Variants in MOBP observed in about 807,000 individuals in gnomAD.
MOBP encodes the protein myelin associated oligodendrocyte basic protein.
A neutral mutation model predicts 15.0 loss-of-function variants in MOBP; 5 were observed. The ratio of observed to expected loss-of-function variants is 0.33; its 90% CI spans 0.17 to 0.70. The LOEUF (loss-of-function observed/expected upper bound fraction) is 0.70. Among genes scored for constraint, MOBP ranks in the 30% least tolerant of loss-of-function variants. MOBP has a pLI of 0.67. For missense variants in MOBP, 188 were observed against 257.8 expected (o/e 0.73, Z 1.85); for synonymous variants, 88 against 99.0 (o/e 0.89, Z 0.66).
downstream of MOBP, chr3:39,524,892 C>T (rs920474447): frequency 9.2e-5 from 14 of 152,030 alleles, no homozygotes; most frequent in African/African-American, 3.4e-4. Flanking sequence ...GACATACACA[C>T]ATTAGATAGA....
intron 1 of MOBP, among the ~76,000 whole-genome samples, chr3:39,468,295 T>C (rs1287101185): frequency 1.3e-5 from 2 of 152,244 alleles, no homozygotes; most frequent in East Asian, 3.9e-4. Flanking sequence ...TGATACAGAA[T>C]ATCTTAGAAA....
intron 2 of MOBP, among the ~76,000 whole-genome samples, chr3:39,485,007 T>A (rs1335168186): frequency 6.6e-6 from 1 of 152,244 alleles, no homozygotes; most frequent in East Asian, 1.9e-4. Flanking sequence ...AAGGACTCTC[T>A]TATGTTTTCA....
At position 39,481,465 on chromosome 3, in the gene MOBP, T is replaced by A. The variant is rs147957042; in HGVS notation, c.-5+1342T>A. Among the ~76,000 whole-genome samples the A allele has an allele frequency of 2.5e-4, 38 of 152,312 alleles. No homozygotes were observed. In the East Asian group the frequency reaches 4.8e-3, roughly 19 times the overall value. On this transcript the variant is annotated intron_variant, in intron 2 of 3. Transcript: ENST00000684792. The stretch of plus-strand genomic sequence containing the variant: ...AGGTTTTTCTCAAGAATATTAATTA[T>A]TTCCTCTCTTTTTTGATATTATTTC...
At chr3:39,494,574 C>T (rs2125646424) in intron 2 of MOBP, among the ~76,000 whole-genome samples, 1 of 151,806 alleles carries the variant, frequency 6.6e-6, no homozygotes, top group East Asian at 1.9e-4. Flanking sequence ...TTGTTTTTAA[C>T]CACTAAAGTA....
At chr3:39,510,030 A>T (rs2043099871) in intron 4 of MOBP, among the ~76,000 whole-genome samples, 1 of 152,046 alleles carries the variant, frequency 6.6e-6, no homozygotes, top group Non-Finnish European at 1.5e-5. Flanking sequence ...ATTTTTTTGT[A>T]TATGGTTTGC....
At chr3:39,497,240 A>G (rs1272909435) in intron 2 of MOBP, among the ~76,000 whole-genome samples, 1 of 152,232 alleles carries the variant, frequency 6.6e-6, no homozygotes, top group Non-Finnish European at 1.5e-5. Context: ...CAAGTTTACT[A>G]TCAGTCCCGG....
chr3:39,489,432 C>T (rs1485093609), intron 2 of MOBP, among the ~76,000 whole-genome samples: 2 of 152,180 alleles, frequency 1.3e-5, no homozygotes, highest in Non-Finnish European at 2.9e-5. Context: ...AATAAATCTT[C>T]AAATGGATGA....
At chr3:39,496,775 TGCCTCA>T (rs1334484238) in intron 2 of MOBP, among the ~76,000 whole-genome samples, 1 of 152,170 alleles carries the variant, frequency 6.6e-6, no homozygotes, top group Non-Finnish European at 1.5e-5. Flanking sequence ...GCGATTCTCC[TGCCTCA>T]GCCTCTCAAG....
downstream of MOBP, chr3:39,526,607 C>T (rs1196130156): frequency 6.6e-6 from 1 of 152,014 alleles, no homozygotes; most frequent in African/African-American, 2.4e-5. Context: ...TGGATGTTAA[C>T]TGATTTTATG....
downstream of MOBP, among the ~76,000 whole-genome samples, chr3:39,516,363 A>C (rs2043202459): frequency 6.6e-6 from 1 of 152,180 alleles, no homozygotes; most frequent in South Asian, 2.1e-4. Flanking sequence ...TGAGGGGGCC[A>C]AATCAGGCTC....
At chr3:39,469,152 A>G (rs895952625) in intron 1 of MOBP, among the ~76,000 whole-genome samples, 1 of 90,774 alleles carries the variant, frequency 1.1e-5, no homozygotes, top group African/African-American at 9.1e-5. Flanking sequence ...ACATATATAC[A>G]TATGTGTGTG....
In MOBP at chr3:39,502,625, C is replaced by T; in HGVS notation, c.297C>T (p.Ser99=). 1.3e-6 allele frequency: 2 copies of T among 1,553,428 alleles called. No homozygotes were observed. Among genetic ancestry groups the T allele is most frequent in the Non-Finnish European group, 1.7e-6 (2 of 1,157,662 alleles). Residue 99 remains serine (S), a synonymous_variant, in exon 4 of 4, where the codon TCC becomes TCT. Transcript: ENST00000684792. This position sits in a 1 kb window ranked among gnomAD's most constrained non-coding sequence, Gnocchi z 6.3. ...TCAGAGCGCCAGCCAAGCCACGGTCCCCTCCGAGGTCTGAGCGTCAGCCAC... is the reference window on the plus strand; with the variant it reads ...TCAGAGCGCCAGCCAAGCCACGGTCTCCTCCGAGGTCTGAGCGTCAGCCAC... ...AVVRAPAKPR[S]PPRSERQPRS... is the part of the protein sequence containing the mutation.
At chr3:39,489,162 A>G (rs1768219) in intron 2 of MOBP, among the ~76,000 whole-genome samples, 45,351 of 152,090 alleles carry the variant, frequency 0.3, 9,148 homozygotes, top group African/African-American at 0.57. Flanking sequence ...TGGCTCCCAC[A>G]TATCTTTTGG....
At chr3:39,492,493 C>G (rs1479773583) in intron 2 of MOBP, among the ~76,000 whole-genome samples, 1 of 152,164 alleles carries the variant, frequency 6.6e-6, no homozygotes, top group Non-Finnish European at 1.5e-5. Context: ...TGGTTGCTCT[C>G]TTCTTTCCAC....
intron 4 of MOBP, among the ~76,000 whole-genome samples, chr3:39,513,135 G>A (rs2043141859): frequency 6.6e-6 from 1 of 152,126 alleles, no homozygotes; most frequent in Admixed American, 6.5e-5. Flanking sequence ...AACCAGAAAA[G>A]CAATAATTAT....
chr3:39,471,302 T>C (rs2042466073), intron 1 of MOBP, among the ~76,000 whole-genome samples: 1 of 152,010 alleles, frequency 6.6e-6, no homozygotes, highest in African/African-American at 2.4e-5. Context: ...GCTAATTTTT[T>C]GTATTTTTAG....
chr3:39,496,166 A>G (rs1041464179), intron 2 of MOBP, among the ~76,000 whole-genome samples: 56 of 151,754 alleles, frequency 3.7e-4, no homozygotes, highest in Admixed American at 2.0e-4. Context: ...GTAAGAATTT[A>G]TGAATTTGTA....
chr3:39,493,805 A>C (rs1313041841), intron 2 of MOBP, among the ~76,000 whole-genome samples: 1 of 152,214 alleles, frequency 6.6e-6, no homozygotes, highest in African/African-American at 2.4e-5. Context: ...CTTTGAGCTG[A>C]ACCTCAAGGC....
At chr3:39,528,750 G>A (rs1398993305), downstream of MOBP, 2 of 152,270 alleles carry the variant, frequency 1.3e-5, no homozygotes, top group African/African-American at 2.4e-5. Context: ...GCCTATTGGA[G>A]AGAATCAGGG....
Sources: gnomAD v4.1 joint callset for allele counts (sites outside exome capture counted in the v4.1 genomes callset) on GRCh38, gnomAD v4.1.1 for gene constraint, Gnocchi (gnomAD v3.1) non-coding constraint, MANE v1.5 for transcripts, NCBI Gene and HGNC (gene_info 2026-07-23, HGNC 2026-07-21) for gene names.